The following ITGA1 variants were observed in gnomAD, a reference collection of about 807,000 sequenced individuals.
ITGA1 encodes the protein integrin alpha-1.
A neutral mutation model predicts 145.9 loss-of-function variants in ITGA1; 85 were observed. The ratio of observed to expected loss-of-function variants is 0.58; its 90% CI spans 0.49 to 0.70. ITGA1 has a LOEUF of 0.70. Ranked by LOEUF, ITGA1 falls within the 30% of genes least tolerant of loss-of-function variation. The probability of loss-of-function intolerance (pLI) is 0.00; values close to 1 mark genes in which losing one functional copy is unlikely to be tolerated. For missense variants in ITGA1, 1,351 were observed against 1,418.7 expected, an observed-to-expected ratio of 0.95 and a Z score of 0.77; for synonymous variants, 520 against 495.3, an observed-to-expected ratio of 1.05 and a Z score of -0.66.
At chr5:52,885,790 A>T (rs1750036858) in intron 7 of ITGA1, among the ~76,000 whole-genome samples, 1 of 152,212 alleles carries the variant, frequency 6.6e-6, no homozygotes, top group South Asian at 2.1e-4. Context: ...TCTGGTGGAA[A>T]GTTAGAGGTT....
chr5:52,788,419 G>A lies in ITGA1; in HGVS notation c.61+5G>A, dbSNP rs2111632904. ...CCTGCTGCTGGCTCCTCACTGGTGAGCGACTCGCTTTTCTCTGAGCATCTC... is the reference window on the plus strand; with the variant it reads ...CCTGCTGCTGGCTCCTCACTGGTGAACGACTCGCTTTTCTCTGAGCATCTC... On this transcript the variant is annotated splice_donor_5th_base_variant and intron_variant, in intron 1 of 28. Coordinates refer to ENST00000282588, the MANE Select transcript of ITGA1 (RefSeq NM_181501.2). The A allele has an allele frequency of 6.0e-6, 9 of 1,507,798 alleles. No individual in the cohort carries two copies. Among genetic ancestry groups the A allele is most frequent in the Non-Finnish European group, 8.0e-6 (9 of 1,130,696 alleles). The allele number at this position is 1,507,798 out of a possible 1,614,324, so 93.4% of individuals were successfully genotyped here. A position where few individuals can be genotyped will look rare whatever the true frequency, so the allele number is the denominator to read the frequency against.
intron 24 of ITGA1, among the ~76,000 whole-genome samples, chr5:52,937,949 CTCTT>C (rs70974478): frequency 0.07 from 10,633 of 152,164 alleles, 470 homozygotes; most frequent in East Asian, 0.12. Flanking sequence ...TTCTCCTTCT[CTCTT>C]TGTGTTTCTG....
At chr5:52,896,309 G>T (rs2111827974) in intron 9 of ITGA1, among the ~76,000 whole-genome samples, 1 of 152,282 alleles carries the variant, frequency 6.6e-6, no homozygotes, top group Admixed American at 6.5e-5. Flanking sequence ...GGTTTCCGTT[G>T]CTGCATTCTT....
At chr5:52,916,422 G>T (rs954950605) in intron 15 of ITGA1, among the ~76,000 whole-genome samples, 9 of 152,044 alleles carry the variant, frequency 5.9e-5, no homozygotes, top group African/African-American at 1.2e-4. Flanking sequence ...CTGTAATTCG[G>T]GTGGAAACAT....
intron 8 of ITGA1, chr5:52,890,004 A>G (rs1387196990): frequency 1.3e-5 from 2 of 152,142 alleles, no homozygotes; most frequent in African/African-American, 2.4e-5. Flanking sequence ...GTTCAGGCCA[A>G]ATTGTAATCA....
chr5:52,950,759 A>C (rs780516537), intron 28 of ITGA1, among the ~76,000 whole-genome samples: 12 of 152,238 alleles, frequency 7.9e-5, no homozygotes, highest in African/African-American at 2.9e-4. Context: ...GCCAAGGAGC[A>C]TTGTAAAGAA....
intron 1 of ITGA1, among the ~76,000 whole-genome samples, chr5:52,817,224 G>C (rs769114654): frequency 6.6e-6 from 1 of 152,106 alleles, no homozygotes. Context: ...TATAACAAAA[G>C]GGCTGAATAC....
chr5:52,861,659 C>A, intron 3 of ITGA1, 100 bp downstream of exon 3: 2 of 724,634 alleles, frequency 2.8e-6, no homozygotes, highest in East Asian at 2.5e-5. Flanking sequence ...TCGTTTGAGC[C>A]CAGGAGTTTG....
chr5:52,808,492 T>C lies in ITGA1; in HGVS notation c.61+20078T>C, dbSNP rs376632187. Among the ~76,000 whole-genome samples the C allele has an allele frequency of 1.2e-3, 179 of 152,308 alleles. 1 individual carries two copies. The highest frequency in any genetic ancestry group is 3.8e-3 in the African/African-American group (159 of 41,588). On this transcript the variant is annotated intron_variant, in intron 1 of 28. Coordinates refer to ENST00000282588, the MANE Select transcript of ITGA1 (RefSeq NM_181501.2). ...TCTGGAATTTTTCATCAAGTCCTAG[T>C]GTAAACATTGACTAGAACTTTTTGT...
At chr5:52,870,924 A>G (rs756394356) in intron 6 of ITGA1, among the ~76,000 whole-genome samples, 5 of 152,214 alleles carry the variant, frequency 3.3e-5, no homozygotes, top group South Asian at 2.1e-4. Flanking sequence ...AAACTTGTAC[A>G]TACCTATTAG....
At chr5:52,942,090 A>T (rs1432272452) in intron 26 of ITGA1, among the ~76,000 whole-genome samples, 1 of 152,036 alleles carries the variant, frequency 6.6e-6, no homozygotes, top group African/African-American at 2.4e-5. Context: ...GGCTGTAGGT[A>T]TGTGGCTTTA....
At chr5:52,816,808 T>G (rs1349936375) in intron 1 of ITGA1, among the ~76,000 whole-genome samples, 2 of 152,146 alleles carry the variant, frequency 1.3e-5, no homozygotes, top group African/African-American at 4.8e-5. Flanking sequence ...GAGTAGTGAG[T>G]ATATTCCCCT....
At position 52,910,341 on chromosome 5, in the gene ITGA1, T is replaced by C. The variant is rs1440641203; in HGVS notation, c.1779T>C (p.Ala593=). Residue 593 remains alanine, a synonymous_variant, in exon 14 of 29, where the codon GCT becomes GCC. Coordinates refer to ENST00000282588, the MANE Select transcript of ITGA1 (RefSeq NM_181501.2). ...GATTTAATGACATCGTGATAGGAGCTCCGCTGGAAGATGATCACGGGGGAG... is the reference window on the plus strand; with the variant it reads ...GATTTAATGACATCGTGATAGGAGCCCCGCTGGAAGATGATCACGGGGGAG... The part of the protein sequence containing the change: ...LDGFNDIVIG[A]PLEDDHGGAV... The C allele has an allele frequency of 6.2e-7, 1 of 1,613,692 alleles. No individual in the cohort carries two copies. Among genetic ancestry groups the C allele is most frequent in the Non-Finnish European group, 8.5e-7 (1 of 1,179,880 alleles).
chr5:52,891,907 GT>G lies in ITGA1; in HGVS notation c.925-1764del, dbSNP rs540722590. On this transcript the variant is annotated intron_variant, in intron 8 of 28. Transcript: ENST00000282588. Reference sequence around the variant, plus strand: ...CTTGAACATTTTTATATTAAAAACAGTTTTAACATAAAAAATTTTTACATTA... The same window carrying G: ...CTTGAACATTTTTATATTAAAAACAGTTTAACATAAAAAATTTTTACATTA... Among the ~76,000 whole-genome samples the G allele has an allele frequency of 1.1e-3, 173 of 151,996 alleles. 1 individual carries two copies. Among genetic ancestry groups the G allele is most frequent in the African/African-American group, 4.0e-3 (168 of 41,506 alleles).
intron 12 of ITGA1, 67 bp from the exon 13 acceptor site, chr5:52,908,831 G>A: frequency 6.4e-7 from 1 of 1,553,670 alleles, no homozygotes; most frequent in Non-Finnish European, 8.8e-7. Flanking sequence ...TAAAACAAAT[G>A]TAGATTTCAG....
intron 18 of ITGA1, among the ~76,000 whole-genome samples, chr5:52,924,921 T>G (rs896195468): frequency 2.0e-5 from 3 of 152,210 alleles, no homozygotes; most frequent in African/African-American, 7.2e-5. Flanking sequence ...AGTATTTGAT[T>G]AATTTTAAGA....
chr5:52,882,304 A>G (rs888078595), intron 7 of ITGA1, among the ~76,000 whole-genome samples: 6 of 152,100 alleles, frequency 3.9e-5, no homozygotes, highest in Admixed American at 3.3e-4. Context: ...TACTAAGACA[A>G]TATTAGTTAA....
intron 1 of ITGA1, among the ~76,000 whole-genome samples, chr5:52,820,016 G>T (rs921062967): frequency 2.6e-5 from 4 of 150,966 alleles, no homozygotes; most frequent in African/African-American, 4.9e-5. Context: ...TCTCTGTTTT[G>T]GTACCAGTAC....
chr5:52,911,442 T>C (rs1317558698), intron 14 of ITGA1, among the ~76,000 whole-genome samples: 1 of 133,424 alleles, frequency 7.5e-6, no homozygotes, highest in African/African-American at 2.7e-5. Flanking sequence ...ATATATAGTA[T>C]AGATACACTA....
Sources: gnomAD v4.1 joint callset for allele counts (sites outside exome capture counted in the v4.1 genomes callset) on GRCh38, gnomAD v4.1.1 for gene constraint, MANE v1.5 for transcripts, NCBI Gene and HGNC (gene_info 2026-07-23, HGNC 2026-07-21) for gene names.